EXD3: variants seen among roughly 807,000 people sequenced by gnomAD.
The protein encoded by EXD3 is exonuclease 3'-5' domain containing 3.
A neutral mutation model predicts 98.0 loss-of-function variants in EXD3; 92 were observed. The ratio of observed to expected loss-of-function variants is 0.94; its 90% confidence interval spans 0.79 to 1.12. The LOEUF is 1.12. Ranked by LOEUF, EXD3 falls within the 50% of genes most tolerant of loss-of-function variation. The probability of loss-of-function intolerance (pLI) is 0.00; values close to 1 mark genes in which losing one functional copy is unlikely to be tolerated. For missense variants in EXD3, 1,222 were observed against 1,191.6 expected, an observed-to-expected ratio of 1.03 and a Z score of -0.38; for synonymous variants, 569 against 526.0, an observed-to-expected ratio of 1.08 and a Z score of -1.12.
In EXD3 at chr9:137,403,153, C is replaced by CT. The variant is rs1837548278; in HGVS notation, c.-47-7750dup. Among the ~76,000 whole-genome samples, 1 of 152,008 alleles carries CT rather than the reference C, an allele frequency of 6.6e-6. No individual in the cohort carries two copies. The highest frequency in any genetic ancestry group is 2.1e-4 in the South Asian group (1 of 4,822). ...TGCAGGATCCCCGGCGCTGACCCCT[C>CT]TCCCCTCCATGGCAGTGTGGGGACT... On this transcript the variant is annotated intron_variant, in intron 1 of 21. Coordinates refer to ENST00000340951, the MANE Select transcript of EXD3 (RefSeq NM_017820.5). This position sits in a 1 kb window ranked among gnomAD's most constrained non-coding sequence, Gnocchi z 6.1.
intron 1 of EXD3, among the ~76,000 whole-genome samples, chr9:137,402,486 T>C (rs1207024170): frequency 6.6e-6 from 1 of 152,248 alleles, no homozygotes; most frequent in Non-Finnish European, 1.5e-5. Context: ...GAGTCACCTT[T>C]GCTTCAGTTC....
intron 1 of EXD3, among the ~76,000 whole-genome samples, chr9:137,417,465 G>C (rs1838291821): frequency 6.6e-6 from 1 of 152,194 alleles, no homozygotes; most frequent in African/African-American, 2.4e-5. Context: ...CGGCGCGAGG[G>C]GCGGGAGGCG....
At chr9:137,355,919 A>G (rs535916183) in intron 8 of EXD3, among the ~76,000 whole-genome samples, 1 of 152,246 alleles carries the variant, frequency 6.6e-6, no homozygotes, top group South Asian at 2.1e-4. Context: ...AGGTGTGGCC[A>G]TCAGCCTGTC....
At chr9:137,355,528 G>A (rs1834641179) in intron 8 of EXD3, among the ~76,000 whole-genome samples, 1 of 62,882 alleles carries the variant, frequency 1.6e-5, no homozygotes, top group Admixed American at 1.5e-4. Context: ...GAAGGAGGAT[G>A]GAGGAAGGAG....
intron 2 of EXD3, among the ~76,000 whole-genome samples, chr9:137,383,947 C>T (rs1836454905): frequency 6.6e-6 from 1 of 152,206 alleles, no homozygotes; most frequent in African/African-American, 2.4e-5. Context: ...AGGGAGGTTT[C>T]CAGACAGAAC....
chr9:137,373,464 A>G lies in EXD3; in HGVS notation c.256T>C (p.Cys86Arg). 1 of 1,609,654 alleles carries G rather than the reference A, an allele frequency of 6.2e-7. No homozygotes were observed. Among genetic ancestry groups the G allele is most frequent in the Non-Finnish European group, 8.5e-7 (1 of 1,179,132 alleles). ...LAAWISHQLQCWLQAQPCPSL... is the reference protein window; with the variant it reads ...LAAWISHQLQRWLQAQPCPSL... ...GGGCATGGCTGTGCCTGTAGCCAGC[A>G]CTGCAGCTGGTGGGAGATCCAGGCC... Residue 86 changes from cysteine to arginine, a missense_variant, in exon 4 of 22, where the codon TGC (cysteine) becomes CGC (arginine). By Grantham distance (180) the Cys-to-Arg change is radical. Coordinates refer to ENST00000340951, the MANE Select transcript of EXD3 (RefSeq NM_017820.5).
chr9:137,384,762 G>T (rs1011677574), intron 2 of EXD3, among the ~76,000 whole-genome samples: 24 of 152,196 alleles, frequency 1.6e-4, no homozygotes, highest in African/African-American at 2.4e-5. Context: ...ACTTACAACA[G>T]CATCAGCAAT....
chr9:137,409,508 G>A (rs1423144285), intron 1 of EXD3, among the ~76,000 whole-genome samples: 1 of 152,048 alleles, frequency 6.6e-6, no homozygotes, highest in African/African-American at 2.4e-5. Flanking sequence ...CTTGAGTCCA[G>A]GAGTTTGAGA....
At chr9:137,399,076 G>A (rs887865917) in intron 1 of EXD3, among the ~76,000 whole-genome samples, 2 of 152,202 alleles carry the variant, frequency 1.3e-5, no homozygotes, top group African/African-American at 2.4e-5. Context: ...GCGCATCCAC[G>A]TCCCCATGAC....
rs748348803 is a variant in EXD3 at position 137,356,216 on chromosome 9, G to A, written c.757+52C>T. 80 of 1,393,172 alleles carry A rather than the reference G, an allele frequency of 5.7e-5. No individual in the cohort carries two copies. In the Middle Eastern group the frequency reaches 6.8e-4, roughly 12 times the overall value. 86.3% of individuals were successfully genotyped at this position (1,393,172 alleles called of 1,614,324 possible). On this transcript the variant is annotated intron_variant, in intron 8 of 21. Coordinates refer to ENST00000340951, the MANE Select transcript of EXD3 (RefSeq NM_017820.5). ...AGTCACAGAGGATGTCCCTGGCCACGCTTGGCGGCTCTCCCTGGCCTGTGG... is the reference window on the plus strand; with the variant it reads ...AGTCACAGAGGATGTCCCTGGCCACACTTGGCGGCTCTCCCTGGCCTGTGG...
Position 137,407,042 on chromosome 9 carries a change from G to C in EXD3, c.-47-11638C>G, listed in dbSNP as rs544896690. 5.3e-5 allele frequency among the ~76,000 whole-genome samples: 8 copies of C among 152,170 alleles called. No homozygotes were observed. Among genetic ancestry groups the C allele is most frequent in the African/African-American group, 1.7e-4 (7 of 41,442 alleles). On this transcript the variant is annotated intron_variant, in intron 1 of 21. Transcript: ENST00000340951. The surrounding 1 kb of genome is among the most constrained non-coding windows in gnomAD (Gnocchi z 4.4). ...CACCCGGAGTGGTGGAGGCCAGAACGCTCGCCAGCAAACCCGCCCGTTCAC... is the reference window on the plus strand; with the variant it reads ...CACCCGGAGTGGTGGAGGCCAGAACCCTCGCCAGCAAACCCGCCCGTTCAC...
At chr9:137,346,622 C>A (rs2119203033) in intron 17 of EXD3, among the ~76,000 whole-genome samples, 1 of 152,294 alleles carries the variant, frequency 6.6e-6, no homozygotes, top group East Asian at 1.9e-4. Flanking sequence ...CATCCCACCT[C>A]TATTTCTGAA....
chr9:137,322,422 TGCTCTGCCGACACCTCACCCCGGACCCAC>T (rs1832086735), intron 19 of EXD3, among the ~76,000 whole-genome samples: 1 of 145,048 alleles, frequency 6.9e-6, no homozygotes, highest in African/African-American at 2.6e-5. Flanking sequence ...CCACGAGGGA[TGCTCTGCCGACACCTCACCCCGGACCCAC>T]GAGGGATGCT....
intron 3 of EXD3, among the ~76,000 whole-genome samples, chr9:137,382,623 A>T (rs1266244173): frequency 6.6e-6 from 1 of 152,174 alleles, no homozygotes; most frequent in Non-Finnish European, 1.5e-5. Context: ...CAGACACAGG[A>T]GCAGGCAGCG....
intron 2 of EXD3, among the ~76,000 whole-genome samples, chr9:137,389,630 T>G (rs1836787142): frequency 6.6e-6 from 1 of 151,478 alleles, no homozygotes; most frequent in South Asian, 2.1e-4. Flanking sequence ...TACGTCGAGG[T>G]GCTGGGACGC....
intron 8 of EXD3, among the ~76,000 whole-genome samples, chr9:137,355,438 AGGAAG>A (rs1834593562): frequency 1.4e-5 from 2 of 142,948 alleles, no homozygotes; most frequent in African/African-American, 5.7e-5. Context: ...AGGAGGATGG[AGGAAG>A]GGAGGATGGA....
chr9:137,307,186 C>G lies in EXD3; in HGVS notation c.2395G>C (p.Ala799Pro). The change falls in exon 22 of 22, where the codon GCG becomes CCG. Residue 799 changes from alanine to proline, a missense_variant. By Grantham distance (27) the Ala-to-Pro change is conservative. Transcript: ENST00000340951. ...CRWLQMADLR[A>P]ETPDMLADGT... is the part of the protein sequence containing the mutation. ...TCGGCCAGCATGTCCGGTGTCTCCG[C>G]CCGCAGGTCAGCCATCTGCAGCCAG... The G allele has an allele frequency of 6.3e-7, 1 of 1,585,426 alleles. No individual in the cohort carries two copies. Among genetic ancestry groups the G allele is most frequent in the South Asian group, 1.1e-5 (1 of 87,652 alleles).
At position 137,330,327 on chromosome 9, in the gene EXD3, C is replaced by T. The variant is rs900958611; in HGVS notation, c.1999-6184G>A. On this transcript the variant is annotated intron_variant, in intron 17 of 21. Coordinates refer to ENST00000340951, the MANE Select transcript of EXD3 (RefSeq NM_017820.5). ...ACACAGGAACTACACCGGAGCTACA[C>T]GGGACTACACAGGACTACACAGGAC... is the stretch of plus-strand genomic sequence containing the variant. 3.8e-5 allele frequency among the ~76,000 whole-genome samples: 5 copies of T among 132,498 alleles called. 1 individual carries two copies. Among genetic ancestry groups the T allele is most frequent in the Admixed American group, 7.7e-5 (1 of 12,918 alleles). 86.9% of individuals were successfully genotyped at this position (132,498 alleles called of 152,430 possible). A position where few individuals can be genotyped will look rare whatever the true frequency, so the allele number is the denominator to read the frequency against.
intron 17 of EXD3, 25 bp downstream of exon 17, chr9:137,348,046 C>T: frequency 6.2e-7 from 1 of 1,603,026 alleles, no homozygotes; most frequent in Non-Finnish European, 8.5e-7. Flanking sequence ...TTGGGAGGAC[C>T]CCAAGACCCT....
Sources: allele counts gnomAD v4.1 joint callset (sites outside exome capture counted in the v4.1 genomes callset), GRCh38; gene constraint gnomAD v4.1.1; non-coding constraint Gnocchi (gnomAD v3.1); transcripts MANE v1.5; gene names NCBI Gene and HGNC (gene_info 2026-07-23, HGNC 2026-07-21).